Variants in TRAF7 observed in about 807,000 individuals in gnomAD.
TRAF7 encodes the protein E3 ubiquitin-protein ligase TRAF7.
In TRAF7, 45 loss-of-function variants were observed where a neutral mutation model predicts 89.3. The observed-to-expected ratio is 0.50, with a 90% CI of 0.40 to 0.65. TRAF7 has a LOEUF of 0.65. Among genes scored for constraint, TRAF7 ranks in the 30% least tolerant of loss-of-function variants. The pLI is 0.00. For missense variants in TRAF7, 677 were observed against 918.1 expected, an observed-to-expected ratio of 0.74 and a Z score of 3.39; for synonymous variants, 406 against 369.2, an observed-to-expected ratio of 1.10 and a Z score of -1.14.
intron 1 of TRAF7, among the ~76,000 whole-genome samples, chr16:2,157,721 C>G (rs2093040877): frequency 6.6e-6 from 1 of 152,106 alleles, no homozygotes; most frequent in African/African-American, 2.4e-5. Flanking sequence ...GGCAGCCTGG[C>G]TCTGGGATGC....
At chr16:2,175,247 G>C in intron 15 of TRAF7, 54 bp from the exon 16 acceptor site, 1 of 1,612,408 alleles carries the variant, frequency 6.2e-7, no homozygotes, top group African/African-American at 1.3e-5. Flanking sequence ...CTGGGCTCCA[G>C]ACTCCAGGTG....
At position 2,159,648 on chromosome 16, in the gene TRAF7, C is replaced by G. The variant is rs1216663919; in HGVS notation, c.-39+3790C>G. Among the ~76,000 whole-genome samples, 5 of 152,182 alleles carry G rather than the reference C, an allele frequency of 3.3e-5. No homozygotes were observed. Among genetic ancestry groups the G allele is most frequent in the Non-Finnish European group, 5.9e-5 (4 of 68,012 alleles). ...GCTCGGAGCTCTGGCCGCAGTCCAG[C>G]CAGCCGGCCACACACAGCCCTGTGG... On this transcript the variant is annotated intron_variant, in intron 1 of 20. Coordinates refer to ENST00000326181, the MANE Select transcript of TRAF7 (RefSeq NM_032271.3). The surrounding 1 kb of genome is among the most constrained non-coding windows in gnomAD (Gnocchi z 6.5).
At position 2,160,861 on chromosome 16, in the gene TRAF7, G is replaced by A. The variant is rs557522357; in HGVS notation, c.-38-3022G>A. Among the ~76,000 whole-genome samples the A allele has an allele frequency of 9.2e-5, 14 of 152,112 alleles. No homozygotes were observed. The South Asian group carries it at 2.7e-3, about 29-fold the overall frequency. ...AGGCACTCTCCCTCTGGGGGGCCAG[G>A]GCATGCCCCCAGAAAAGCCTCCCAG... is the stretch of plus-strand genomic sequence containing the variant. On this transcript the variant is annotated intron_variant, in intron 1 of 20. Transcript: ENST00000326181.
intron 14 of TRAF7, 77 bp from the exon 15 acceptor site, chr16:2,175,034 G>A: frequency 2.5e-6 from 4 of 1,588,186 alleles, no homozygotes; most frequent in Admixed American, 1.7e-5. Context: ...GGCTGGCATG[G>A]ACCTCGGGCC....
In TRAF7 at chr16:2,174,392, C is replaced by A. The variant is rs558183157; in HGVS notation, c.1346+59C>A. On this transcript the variant is annotated intron_variant, in intron 14 of 20. Transcript: ENST00000326181. ...CAGGACAGGAGACGTGGCGCTGCCA[C>A]CCCGTGGGCCGTGAGCCATGAGCTC... 1.1e-4 allele frequency: 173 copies of A among 1,549,244 alleles called. No individual in the cohort carries two copies. In the African/African-American group the frequency reaches 2.1e-3, roughly 19 times the overall value.
At chr16:2,170,818 C>G in intron 5 of TRAF7, 88 bp downstream of exon 5, 1 of 1,281,910 alleles carries the variant, frequency 7.8e-7, no homozygotes, top group Non-Finnish European at 1.1e-6. Context: ...GCCATGCCCG[C>G]CCAGCTCACA....
chr16:2,164,125 G>T, intron 2 of TRAF7, 124 bp downstream of exon 2: 7 of 790,722 alleles, frequency 8.9e-6, no homozygotes, highest in South Asian at 1.8e-5. Context: ...GGGGAGCTCG[G>T]TGGGGGGGGG....
rs2093140596 is a variant in TRAF7 at position 2,177,144 on chromosome 16, C to A, written c.*570C>A. 1.6e-5 allele frequency: 4 copies of A among 254,384 alleles called. No homozygotes were observed. Among genetic ancestry groups the A allele is most frequent in the Non-Finnish European group, 3.1e-5 (4 of 129,490 alleles). The allele number at this position is 254,384 out of a possible 1,614,324, so 15.8% of individuals were successfully genotyped here. On this transcript the variant is annotated 3_prime_UTR_variant, in exon 21 of 21. Transcript: ENST00000326181. Reference sequence around the variant, plus strand: ...CTGCTGGCCTCCAGTCCCATCTCCCCCAACACATGTGCCCCCAAAAAGTGA... The same window carrying A: ...CTGCTGGCCTCCAGTCCCATCTCCCACAACACATGTGCCCCCAAAAAGTGA...
In TRAF7 at chr16:2,177,763, G is replaced by A. The variant is rs1042663106; in HGVS notation, c.*1189G>A. 5 of 242,642 alleles carry A rather than the reference G, an allele frequency of 2.1e-5. No homozygotes were observed. The highest frequency in any genetic ancestry group is 1.1e-4 in the South Asian group (1 of 8,954). The allele number at this position is 242,642 out of a possible 1,614,324, so 15.0% of individuals were successfully genotyped here. A position where few individuals can be genotyped will look rare whatever the true frequency, so the allele number is the denominator to read the frequency against. On this transcript the variant is annotated 3_prime_UTR_variant, in exon 21 of 21. Coordinates refer to ENST00000326181, the MANE Select transcript of TRAF7 (RefSeq NM_032271.3). ...CACCCGCGCCCTGGGACGCAGCCAC[G>A]CCAGGAGGAGGACACGGCCGCCGAG...
At chr16:2,175,671 A>G (rs1250087702) in intron 17 of TRAF7, 49 bp downstream of exon 17, 1 of 1,599,562 alleles carries the variant, frequency 6.3e-7, no homozygotes, top group Non-Finnish European at 8.5e-7. Context: ...TCCTACCAGC[A>G]CTTCCCAGGC....
intron 3 of TRAF7, 81 bp downstream of exon 3, chr16:2,166,017 A>G: frequency 6.4e-7 from 1 of 1,558,572 alleles, no homozygotes; most frequent in Non-Finnish European, 8.8e-7. Flanking sequence ...ACTGAGGGAC[A>G]CTTCCCGGTG....
rs1596681961 is a variant in TRAF7, at chr16:2,177,177, A to C, written c.*603A>C. On this transcript the variant is annotated 3_prime_UTR_variant, in exon 21 of 21. Transcript: ENST00000326181. ...TGTGCCCCCAAAAAGTGAGCCAGGC[A>C]CCTCTGTTTCCTGCTGTTTATTGAC... is the stretch of plus-strand genomic sequence containing the variant. 4.1e-6 allele frequency: 1 copy of C among 243,338 alleles called. No homozygotes were observed. The highest frequency in any genetic ancestry group is 8.1e-6 in the Non-Finnish European group (1 of 122,878). 15.1% of individuals were successfully genotyped at this position (243,338 alleles called of 1,614,324 possible).
rs376052319 is a variant in TRAF7, at chr16:2,176,663, T to C, written c.*89T>C. The C allele has an allele frequency of 6.3e-7, 1 of 1,599,134 alleles. No individual in the cohort carries two copies. On this transcript the variant is annotated 3_prime_UTR_variant, in exon 21 of 21. Coordinates refer to ENST00000326181, the MANE Select transcript of TRAF7 (RefSeq NM_032271.3). ...CCACATGGGGTGGTCTCGGGGTTTC[T>C]GCCTGCCCCGTGGGCATAGGTGGAC...
At position 2,162,047 on chromosome 16, in the gene TRAF7, C is replaced by T. The variant is rs1171050810; in HGVS notation, c.-38-1836C>T. On this transcript the variant is annotated intron_variant, in intron 1 of 20. Transcript: ENST00000326181. The surrounding 1 kb of genome is among the most constrained non-coding windows in gnomAD (Gnocchi z 5.0). ...AGTCGCAGTGGGGCCTGGGGAAGGC[C>T]GAGGGAGGCTTTGGCCAGGCCCCAT... Among the ~76,000 whole-genome samples the T allele has an allele frequency of 2.0e-5, 3 of 152,120 alleles. No homozygotes were observed. Among genetic ancestry groups the T allele is most frequent in the South Asian group, 2.1e-4 (1 of 4,822 alleles).
chr16:2,166,928 C>A (rs1383151729), intron 3 of TRAF7, among the ~76,000 whole-genome samples: 1 of 152,200 alleles, frequency 6.6e-6, no homozygotes, highest in African/African-American at 2.4e-5. Context: ...GTTCTCTCTC[C>A]TTTCTGGCAC....
Position 2,163,742 on chromosome 16 carries a change from C to T in TRAF7, c.-38-141C>T, listed in dbSNP as rs896083275. On this transcript the variant is annotated intron_variant, in intron 1 of 20. Transcript: ENST00000326181. The surrounding 1 kb of genome is among the most constrained non-coding windows in gnomAD (Gnocchi z 4.3). Reference sequence around the variant, plus strand: ...GGACCTTTGCCTCCTAGAGGCCTGCCTGAGCCGGGGCTGGTGGTGGAAGGC... The same window carrying T: ...GGACCTTTGCCTCCTAGAGGCCTGCTTGAGCCGGGGCTGGTGGTGGAAGGC... The T allele has an allele frequency of 3.1e-6, 2 of 639,632 alleles. No homozygotes were observed. The highest frequency in any genetic ancestry group is 3.6e-5 in the African/African-American group (2 of 55,130). 39.6% of individuals were successfully genotyped at this position (639,632 alleles called of 1,614,324 possible). A position where few individuals can be genotyped will look rare whatever the true frequency, so the allele number is the denominator to read the frequency against.
Position 2,171,585 on chromosome 16 carries a change from G to A in TRAF7, c.455G>A (p.Arg152Lys), listed in dbSNP as rs767803526. Residue 152 changes from arginine to lysine, a missense_variant, in exon 7 of 21, where the codon AGG (arginine) becomes AAG (lysine). By Grantham distance (26) the Arg-to-Lys change is conservative (BLOSUM62 2). This residue lies in a region of TRAF7 where 238 missense variants were observed against 352.6 expected (regional missense o/e 0.67). Transcript: ENST00000326181. Reference sequence around the variant, plus strand: ...TTGCCTCCACAGCACACGTTCTGTAGGAGATGCGCCTTGAAGTCAGGTAGG... The same window carrying A: ...TTGCCTCCACAGCACACGTTCTGTAAGAGATGCGCCTTGAAGTCAGGTAGG... ...VITTCGHTFC[R>K]RCALKSEKCP... 3 of 1,613,350 alleles carry A rather than the reference G, an allele frequency of 1.9e-6. No individual in the cohort carries two copies. Among genetic ancestry groups the A allele is most frequent in the Non-Finnish European group, 8.5e-7 (1 of 1,179,916 alleles).
chr16:2,160,301 C>T (rs2093052419), intron 1 of TRAF7, among the ~76,000 whole-genome samples: 1 of 151,960 alleles, frequency 6.6e-6, no homozygotes, highest in African/African-American at 2.4e-5. Flanking sequence ...GACCCACGCA[C>T]CTCGCCCCTG....
intron 3 of TRAF7, among the ~76,000 whole-genome samples, chr16:2,167,304 C>T (rs573694135): frequency 7.2e-5 from 11 of 152,320 alleles, no homozygotes; most frequent in African/African-American, 2.4e-4. Context: ...AAACCGAGGC[C>T]CAGTCACACG....
Sources: gnomAD v4.1 joint callset for allele counts (sites outside exome capture counted in the v4.1 genomes callset) on GRCh38, gnomAD v4.1.1 for gene constraint, gnomAD v4.1.1 regional missense constraint, Gnocchi (gnomAD v3.1) non-coding constraint, MANE v1.5 for transcripts, NCBI Gene and HGNC (gene_info 2026-07-23, HGNC 2026-07-21) for gene names.